NBAS: variants seen among roughly 807,000 people sequenced by gnomAD.
The protein encoded by NBAS is NAG/BC035112 fusion.
NBAS carries 219 observed loss-of-function variants against 302.5 expected under a neutral mutation model. The observed-to-expected ratio is 0.72, with a 90% CI of 0.65 to 0.81. The LOEUF is 0.81. Among genes scored for constraint, NBAS ranks in the 30% least tolerant of loss-of-function variants. The pLI is 0.00. For missense variants in NBAS, 2,932 were observed against 2,841.6 expected (o/e 1.03, Z -0.72); for synonymous variants, 1,118 against 1,021.6 (o/e 1.09, Z -1.80).
intron 38 of NBAS, among the ~76,000 whole-genome samples, chr2:15,318,887 G>A (rs895335083): frequency 6.6e-6 from 1 of 151,998 alleles, no homozygotes; most frequent in Non-Finnish European, 1.5e-5. Context: ...ATCAGCTCTG[G>A]ACCAAGCAGA....
chr2:15,146,583 G>C, the NBAS span, among the ~76,000 whole-genome samples: 1 of 152,104 alleles, frequency 6.6e-6, no homozygotes, highest in African/African-American at 2.4e-5. Flanking sequence ...GATGAGCAAG[G>C]CTGCCATGTC....
At chr2:15,028,636 C>T in the NBAS span, among the ~76,000 whole-genome samples, 14 of 152,166 alleles carry the variant, frequency 9.2e-5, no homozygotes, top group Non-Finnish European at 1.5e-4. Flanking sequence ...GCTCTCTAAG[C>T]TACAGTGTCT....
At chr2:14,859,964 G>A in the NBAS span, among the ~76,000 whole-genome samples, 1 of 151,714 alleles carries the variant, frequency 6.6e-6, no homozygotes, top group African/African-American at 2.4e-5. Flanking sequence ...GTATATATAA[G>A]GAGCTCACAT....
chr2:14,824,529 T>C, the NBAS span, among the ~76,000 whole-genome samples: 1 of 152,094 alleles, frequency 6.6e-6, no homozygotes, highest in South Asian at 2.1e-4. Context: ...ACTTTTGTTA[T>C]TCAGGTGTGG....
chr2:15,472,296 G>A (rs1239420171), intron 16 of NBAS, among the ~76,000 whole-genome samples: 1 of 152,112 alleles, frequency 6.6e-6, no homozygotes, highest in Non-Finnish European at 1.5e-5. Flanking sequence ...ACATCAAGTG[G>A]CACTTACTTC....
At chr2:15,471,072 T>C (rs1234300123) in intron 16 of NBAS, among the ~76,000 whole-genome samples, 1 of 152,204 alleles carries the variant, frequency 6.6e-6, no homozygotes, top group Non-Finnish European at 1.5e-5. Flanking sequence ...TAACTGTCTA[T>C]TTAACTAAAC....
At chr2:15,426,166 C>CA (rs1189122051) in intron 22 of NBAS, among the ~76,000 whole-genome samples, 3 of 152,146 alleles carry the variant, frequency 2.0e-5, no homozygotes, top group Non-Finnish European at 4.4e-5. Flanking sequence ...AAATCTATAG[C>CA]AAAAAATATT....
chr2:15,126,635 G>A, the NBAS span, among the ~76,000 whole-genome samples: 7 of 152,172 alleles, frequency 4.6e-5, no homozygotes, highest in Non-Finnish European at 7.3e-5. Flanking sequence ...AAGGAGAGTG[G>A]TGGTAATTAT....
At chr2:15,390,051 A>G (rs1572767804) in intron 28 of NBAS, among the ~76,000 whole-genome samples, 3 of 152,194 alleles carry the variant, frequency 2.0e-5, no homozygotes, top group South Asian at 2.1e-4. Context: ...AGATCTACGA[A>G]GGGTCCCCAC....
chr2:14,833,750 T>C, the NBAS span, among the ~76,000 whole-genome samples: 1 of 152,076 alleles, frequency 6.6e-6, no homozygotes, highest in Non-Finnish European at 1.5e-5. Context: ...CCTAATTAGC[T>C]ATATGACTTT....
At chr2:14,833,670 G>T in the NBAS span, among the ~76,000 whole-genome samples, 1 of 151,080 alleles carries the variant, frequency 6.6e-6, no homozygotes, top group Non-Finnish European at 1.5e-5. Context: ...ATTTATGTGC[G>T]TATTACAATT....
At chr2:15,036,548 T>C in the NBAS span, among the ~76,000 whole-genome samples, 1 of 152,204 alleles carries the variant, frequency 6.6e-6, no homozygotes, top group South Asian at 2.1e-4. Flanking sequence ...ACTCCCGAGT[T>C]CTGATTGAGC....
At chr2:15,165,014 C>A (rs1468010704), downstream of NBAS, among the ~76,000 whole-genome samples, 1 of 152,172 alleles carries the variant, frequency 6.6e-6, no homozygotes, top group Non-Finnish European at 1.5e-5. Flanking sequence ...GTCACTCCAG[C>A]CCTCTGGGCC....
At chr2:14,955,299 C>T in the NBAS span, among the ~76,000 whole-genome samples, 2 of 152,226 alleles carry the variant, frequency 1.3e-5, no homozygotes, top group African/African-American at 4.8e-5. Context: ...AACCCTGTGG[C>T]TTTGCAGCAT....
intron 38 of NBAS, among the ~76,000 whole-genome samples, chr2:15,316,432 G>T (rs1297138157): frequency 6.6e-6 from 1 of 152,224 alleles, no homozygotes; most frequent in Non-Finnish European, 1.5e-5. Flanking sequence ...GCCTCACACA[G>T]GAAGTGCAAG....
At chr2:15,170,016 G>A (rs1260974639) in intron 51 of NBAS, among the ~76,000 whole-genome samples, 1 of 152,202 alleles carries the variant, frequency 6.6e-6, no homozygotes, top group Non-Finnish European at 1.5e-5. Context: ...ACAGATAAAA[G>A]GCTCAGAATC....
At chr2:15,070,561 C>G in the NBAS span, among the ~76,000 whole-genome samples, 6 of 152,130 alleles carry the variant, frequency 3.9e-5, no homozygotes, top group Admixed American at 3.9e-4. Context: ...CTCGGCCAGG[C>G]CAAAGGCAAG....
the NBAS span, among the ~76,000 whole-genome samples, chr2:14,909,891 AG>A: frequency 2.2e-4 from 33 of 152,212 alleles, no homozygotes; most frequent in African/African-American, 8.0e-4. Flanking sequence ...CTTTTGAAGT[AG>A]GAAGCACTAA....
chr2:14,925,289 G>A, the NBAS span, among the ~76,000 whole-genome samples: 6 of 152,088 alleles, frequency 3.9e-5, no homozygotes, highest in African/African-American at 1.4e-4. Context: ...TTCCCACTGG[G>A]ATCTCTGGAC....
Sources: gnomAD v4.1 joint callset for allele counts (sites outside exome capture counted in the v4.1 genomes callset) on GRCh38, gnomAD v4.1.1 for gene constraint, MANE v1.5 for transcripts, NCBI Gene and HGNC (gene_info 2026-07-23, HGNC 2026-07-21) for gene names.